The following RGS5 variants were observed in gnomAD, a reference collection of about 807,000 sequenced individuals.
The protein encoded by RGS5 is regulator of G-protein signalling 5.
Under a neutral mutation model 18.9 loss-of-function variants are expected in RGS5, and 20 were observed. The observed-to-expected ratio is 1.06, with a 90% CI of 0.74 to 1.54. RGS5 has a LOEUF of 1.54. RGS5 is among the 40% of genes most tolerant of loss of function. The probability of loss-of-function intolerance (pLI) is 0.00; values close to 1 mark genes in which losing one functional copy is unlikely to be tolerated. For missense variants in RGS5, 201 were observed against 211.8 expected (o/e 0.95, Z 0.32); for synonymous variants, 57 against 76.2 (o/e 0.75, Z 1.31).
chr1:163,273,019 T>G (rs1240016633), intron 2 of RGS5, among the ~76,000 whole-genome samples: 1 of 152,078 alleles, frequency 6.6e-6, no homozygotes, highest in Non-Finnish European at 1.5e-5. Context: ...TGTCATTTGA[T>G]TTCCATATAC....
chr1:163,268,614 T>C (rs537445128), intron 2 of RGS5, among the ~76,000 whole-genome samples: 1 of 152,096 alleles, frequency 6.6e-6, no homozygotes, highest in Admixed American at 6.6e-5. Flanking sequence ...CAAACCAATA[T>C]TCCCCCTGTC....
rs1657046907 is a variant in RGS5 at position 163,144,363 on chromosome 1, C to T, written c.*2979G>A. 1 of 152,096 alleles carries T rather than the reference C, an allele frequency of 6.6e-6. No individual in the cohort carries two copies. The highest frequency in any genetic ancestry group is 2.1e-4 in the South Asian group (1 of 4,826). The allele number at this position is 152,096 out of a possible 1,614,324, so 9.4% of individuals were successfully genotyped here. ...CTCTTTGTCCTGATGTAATTTAGAT[C>T]TTAATCTAACCCCAACCCTAAACTA... is the stretch of plus-strand genomic sequence containing the variant. On this transcript the variant is annotated 3_prime_UTR_variant, in exon 5 of 5. Coordinates refer to ENST00000313961, the MANE Select transcript of RGS5 (RefSeq NM_003617.4).
chr1:163,183,240 C>T (rs956229725), intron 1 of RGS5, among the ~76,000 whole-genome samples: 19 of 152,068 alleles, frequency 1.2e-4, no homozygotes, highest in Non-Finnish European at 2.4e-4. Context: ...CTTCTTTCTC[C>T]CCCCAAAATT....
At chr1:163,193,430 G>T (rs1659436348) in intron 1 of RGS5, among the ~76,000 whole-genome samples, 1 of 151,940 alleles carries the variant, frequency 6.6e-6, no homozygotes, top group Non-Finnish European at 1.5e-5. Context: ...TTCTACCTAG[G>T]CATGGCAACT....
At chr1:163,148,065 T>C (rs1430561454) in intron 4 of RGS5, among the ~76,000 whole-genome samples, 1 of 151,920 alleles carries the variant, frequency 6.6e-6, no homozygotes, top group Non-Finnish European at 1.5e-5. Context: ...CTAGCTGGGT[T>C]ACAGGCATGT....
intron 2 of RGS5, among the ~76,000 whole-genome samples, chr1:163,225,489 C>CT: frequency 6.6e-6 from 1 of 152,146 alleles, no homozygotes; most frequent in East Asian, 1.9e-4. Flanking sequence ...AAATTAGAGG[C>CT]TTTTTTAGGG....
chr1:163,297,267 A>C (rs535035505), intron 2 of RGS5, among the ~76,000 whole-genome samples: 64 of 152,272 alleles, frequency 4.2e-4, no homozygotes, highest in African/African-American at 1.4e-3. Flanking sequence ...TGTGTGCTGA[A>C]GAGGGCTTTG....
intron 2 of RGS5, among the ~76,000 whole-genome samples, chr1:163,256,514 G>C (rs945703043): frequency 6.6e-6 from 1 of 152,158 alleles, no homozygotes; most frequent in African/African-American, 2.4e-5. Context: ...TTAATCATTT[G>C]GCAGATACGC....
In RGS5 at chr1:163,144,992, T is replaced by G. The variant is rs75593694; in HGVS notation, c.*2350A>C. The G allele has an allele frequency of 1.3e-5, 2 of 152,184 alleles. No homozygotes were observed. Among genetic ancestry groups the G allele is most frequent in the Admixed American group, 6.5e-5 (1 of 15,268 alleles). 9.4% of individuals were successfully genotyped at this position (152,184 alleles called of 1,614,324 possible). ...AGATGTAGATATAGATAGATAGATA[T>G]ATGTAGATATATAGATATAATGTCA... On this transcript the variant is annotated 3_prime_UTR_variant, in exon 5 of 5. Coordinates refer to ENST00000313961, the MANE Select transcript of RGS5 (RefSeq NM_003617.4).
At chr1:163,204,962 G>A (rs1161938465), upstream of RGS5, among the ~76,000 whole-genome samples, 1 of 152,196 alleles carries the variant, frequency 6.6e-6, no homozygotes, top group East Asian at 1.9e-4. Flanking sequence ...AGGAGTTCAT[G>A]TGATGGACTA....
intron 3 of RGS5, among the ~76,000 whole-genome samples, chr1:163,155,582 G>C (rs987178919): frequency 2.0e-5 from 3 of 152,108 alleles, no homozygotes; most frequent in Admixed American, 2.0e-4. Context: ...GCCTCTGGTT[G>C]TCTGTCAGTT....
chr1:163,164,991 A>T (rs897241880), intron 2 of RGS5, among the ~76,000 whole-genome samples: 9 of 152,206 alleles, frequency 5.9e-5, no homozygotes, highest in South Asian at 2.1e-4. Context: ...TTCCTGCCCA[A>T]CAGTACAGTC....
At chr1:163,183,399 T>C (rs918503379) in intron 1 of RGS5, among the ~76,000 whole-genome samples, 4 of 152,242 alleles carry the variant, frequency 2.6e-5, no homozygotes, top group Non-Finnish European at 5.9e-5. Context: ...TATGGGGTTG[T>C]TTTACAAAAT....
chr1:163,158,749 C>G (rs976530530), intron 3 of RGS5, among the ~76,000 whole-genome samples: 2 of 152,124 alleles, frequency 1.3e-5, no homozygotes, highest in Non-Finnish European at 2.9e-5. Flanking sequence ...ATTAAAATTG[C>G]TAATGAAGTT....
intron 1 of RGS5, among the ~76,000 whole-genome samples, chr1:163,198,509 A>G (rs2999965): frequency 0.55 from 83,326 of 152,080 alleles, 23,609 homozygotes; most frequent in African/African-American, 0.69. Flanking sequence ...TATTTAAAGA[A>G]ACAAATAATC....
At chr1:163,293,903 AGCTCCAAAATAATCTCCTTTG>A (rs1160812899) in intron 2 of RGS5, among the ~76,000 whole-genome samples, 47 of 152,214 alleles carry the variant, frequency 3.1e-4, no homozygotes, top group African/African-American at 1.1e-3. Context: ...TAAAGCTTAA[AGCTCCAAAATAATCTCCTTTG>A]GCTCCATGTC....
chr1:163,248,424 C>T (rs535029565), intron 2 of RGS5: 10 of 152,240 alleles, frequency 6.6e-5, no homozygotes, highest in African/African-American at 2.4e-4. Flanking sequence ...CTGTACATAT[C>T]CTCTTATAAG....
chr1:163,169,433 G>A (rs973562870), intron 1 of RGS5, among the ~76,000 whole-genome samples: 15 of 152,186 alleles, frequency 9.9e-5, no homozygotes, highest in African/African-American at 1.9e-4. Flanking sequence ...CTGAGGAATC[G>A]CCACACTGAC....
chr1:163,174,600 C>T (rs1379496582), intron 1 of RGS5, among the ~76,000 whole-genome samples: 2 of 152,124 alleles, frequency 1.3e-5, no homozygotes, highest in Non-Finnish European at 2.9e-5. Flanking sequence ...CAATTTCTGT[C>T]CTTGAAAGAG....
Sources: gnomAD v4.1 joint callset for allele counts (sites outside exome capture counted in the v4.1 genomes callset) on GRCh38, gnomAD v4.1.1 for gene constraint, MANE v1.5 for transcripts, NCBI Gene and HGNC (gene_info 2026-07-23, HGNC 2026-07-21) for gene names.